The following ADGRV1 variants were observed in gnomAD, a reference collection of about 807,000 sequenced individuals.
The protein encoded by ADGRV1 is adhesion G protein-coupled receptor V1, also known as G-protein coupled receptor 98.
ADGRV1 carries 359 observed loss-of-function variants against 596.2 expected under a neutral mutation model. The ratio of observed to expected loss-of-function variants is 0.60; its 90% CI spans 0.55 to 0.66. The LOEUF (loss-of-function observed/expected upper bound fraction) is 0.66. Among genes scored for constraint, ADGRV1 ranks in the 30% least tolerant of loss-of-function variants. ADGRV1 has a pLI of 0.00. For missense variants in ADGRV1, 7,274 were observed against 7,575.6 expected (o/e 0.96, Z 1.48); for synonymous variants, 2,681 against 2,679.2 (o/e 1.00, Z -0.02).
chr5:91,142,656 C>G (rs6873773), intron 87 of ADGRV1, among the ~76,000 whole-genome samples: 1 of 152,046 alleles, frequency 6.6e-6, no homozygotes, highest in Non-Finnish European at 1.5e-5. Flanking sequence ...CTATCTCATA[C>G]GGAACTGATA....
At chr5:90,904,821 C>G (rs758362885) in intron 83 of ADGRV1, among the ~76,000 whole-genome samples, 6 of 152,002 alleles carry the variant, frequency 3.9e-5, no homozygotes, top group Non-Finnish European at 8.8e-5. Context: ...AGACCAATGT[C>G]CTGGAGAGTT....
chr5:91,039,274 T>C (rs1785148798), intron 85 of ADGRV1, among the ~76,000 whole-genome samples: 1 of 152,238 alleles, frequency 6.6e-6, no homozygotes, highest in Admixed American at 6.5e-5. Context: ...CACGCTGTTG[T>C]CCTGCTCCAT....
intron 1 of ADGRV1, among the ~76,000 whole-genome samples, chr5:90,595,004 C>A (rs1474420435): frequency 6.8e-6 from 1 of 147,170 alleles, no homozygotes; most frequent in Non-Finnish European, 1.5e-5. Context: ...GTTGGGCACA[C>A]CTCCCAGACG....
Position 90,558,842 on chromosome 5 carries a change from A to T in ADGRV1, c.-54A>T. 6.5e-7 allele frequency: 1 copy of T among 1,547,832 alleles called. No individual in the cohort carries two copies. The highest frequency in any genetic ancestry group is 8.8e-7 in the Non-Finnish European group (1 of 1,141,190). ...CGGGCAAGGAGTACGGACGGGAGTCAGAGGCAGAGCGAGGGTGTGTGGAGG... is the reference window on the plus strand; with the variant it reads ...CGGGCAAGGAGTACGGACGGGAGTCTGAGGCAGAGCGAGGGTGTGTGGAGG... On this transcript the variant is annotated 5_prime_UTR_variant, in exon 1 of 90. Transcript: ENST00000405460.
chr5:90,926,628 T>A (rs1428814636), intron 83 of ADGRV1, among the ~76,000 whole-genome samples: 1 of 152,036 alleles, frequency 6.6e-6, no homozygotes, highest in East Asian at 1.9e-4. Context: ...TGTGTCTCTG[T>A]TTCCTTCAGT....
At chr5:90,599,036 T>G (rs1761069213) in intron 1 of ADGRV1, among the ~76,000 whole-genome samples, 2 of 152,044 alleles carry the variant, frequency 1.3e-5, no homozygotes. Flanking sequence ...AGAGAAACAT[T>G]TAATTTTGGA....
At chr5:91,009,544 C>T (rs950137511) in intron 85 of ADGRV1, among the ~76,000 whole-genome samples, 2 of 152,062 alleles carry the variant, frequency 1.3e-5, no homozygotes, top group Non-Finnish European at 2.9e-5. Flanking sequence ...TACCTGTAAT[C>T]TTTGCTCTAT....
At chr5:90,850,903 A>G (rs1212743505) in intron 79 of ADGRV1, 1 of 152,168 alleles carries the variant, frequency 6.6e-6, no homozygotes, top group Admixed American at 6.6e-5. Flanking sequence ...CAATGGTTAC[A>G]ATAAAATGAG....
At chr5:91,061,643 A>C (rs911791985) in intron 85 of ADGRV1, among the ~76,000 whole-genome samples, 1 of 152,144 alleles carries the variant, frequency 6.6e-6, no homozygotes, top group Non-Finnish European at 1.5e-5. Context: ...TAATGTGTCC[A>C]TTTTTCTTTC....
chr5:91,113,876 G>A (rs888873119), intron 87 of ADGRV1, among the ~76,000 whole-genome samples: 4 of 147,162 alleles, frequency 2.7e-5, no homozygotes, highest in African/African-American at 1.0e-4. Flanking sequence ...CCGAGATCAC[G>A]TCACTTTACT....
chr5:90,558,909 TG>T lies in ADGRV1; in HGVS notation c.18del (p.Pro7GlnfsTer9). ...GGGAGCGCGCGGATGTCGGTGTTCCTGGGGCCAGGTAGGCTATGGCTGAGGG... is the reference window on the plus strand; with the variant it reads ...GGGAGCGCGCGGATGTCGGTGTTCCTGGGCCAGGTAGGCTATGGCTGAGGG... MSVF[L>X]GPGMPSASLL... On this transcript the variant is annotated frameshift_variant, in exon 1 of 90. Coordinates refer to ENST00000405460, the MANE Select transcript of ADGRV1 (RefSeq NM_032119.4). LOFTEE classifies it high-confidence loss of function. 1 of 1,558,918 alleles carries T rather than the reference TG, an allele frequency of 6.4e-7. No individual in the cohort carries two copies. The highest frequency in any genetic ancestry group is 8.7e-7 in the Non-Finnish European group (1 of 1,150,788).
At chr5:90,858,949 A>G (rs1482375747) in intron 82 of ADGRV1, among the ~76,000 whole-genome samples, 1 of 152,042 alleles carries the variant, frequency 6.6e-6, no homozygotes, top group Non-Finnish European at 1.5e-5. Context: ...AGCCACCCAA[A>G]ATGTTTTCCC....
At chr5:91,081,761 GAGCA>G (rs1314656657) in intron 86 of ADGRV1, among the ~76,000 whole-genome samples, 3 of 152,078 alleles carry the variant, frequency 2.0e-5, no homozygotes, top group African/African-American at 7.2e-5. Context: ...ACTTCAGCCT[GAGCA>G]ACAAGAGTGA....
intron 83 of ADGRV1, among the ~76,000 whole-genome samples, chr5:90,919,596 G>A (rs1168180509): frequency 6.6e-6 from 1 of 152,174 alleles, no homozygotes; most frequent in African/African-American, 2.4e-5. Context: ...ATGTATTTGT[G>A]ATTCAGGTAA....
In ADGRV1 at chr5:90,619,521, T is replaced by C. The variant is rs190443389; in HGVS notation, c.453+340T>C. ...CCCAAATGTCACCTAAAGAAAGTGT[T>C]GTTTGTTTGTCAGACTCTTCTGAAA... On this transcript the variant is annotated intron_variant, in intron 4 of 89. Transcript: ENST00000405460. Among the ~76,000 whole-genome samples the C allele has an allele frequency of 3.0e-3, 459 of 152,268 alleles. 2 individuals are homozygous for C. The highest frequency in any genetic ancestry group is 1.0e-2 in the African/African-American group (415 of 41,564).
chr5:90,750,370 A>G (rs1755101865), intron 52 of ADGRV1, among the ~76,000 whole-genome samples, 181 bp from the exon 53 acceptor site: 1 of 152,116 alleles, frequency 6.6e-6, no homozygotes, highest in African/African-American at 2.4e-5. Flanking sequence ...TACTTATTCA[A>G]ACATGTGTGT....
intron 42 of ADGRV1, among the ~76,000 whole-genome samples, chr5:90,713,264 G>T (rs1262064385): frequency 6.6e-6 from 1 of 151,692 alleles, no homozygotes; most frequent in Non-Finnish European, 1.5e-5. Flanking sequence ...AAAGAATTCT[G>T]AGTAACCCAA....
chr5:90,973,334 C>T lies in ADGRV1; in HGVS notation c.17973+7803C>T, dbSNP rs185871894. 9.8e-5 allele frequency among the ~76,000 whole-genome samples: 15 copies of T among 152,312 alleles called. No homozygotes were observed. In the East Asian group the frequency reaches 2.9e-3, roughly 29 times the overall value. On this transcript the variant is annotated intron_variant, in intron 84 of 89. Transcript: ENST00000405460. ...TCCAATCAACAGAAAAAGAGGGAATCCTCCCTAACTCATTTTATGAGGCCA... is the reference window on the plus strand; with the variant it reads ...TCCAATCAACAGAAAAAGAGGGAATTCTCCCTAACTCATTTTATGAGGCCA...
At chr5:90,856,036 G>A (rs1296080367) in intron 82 of ADGRV1, 135 bp downstream of exon 82, 12 of 700,044 alleles carry the variant, frequency 1.7e-5, no homozygotes, top group East Asian at 2.7e-5. Context: ...CAAATTTTTC[G>A]TTGTCTTAGT....
Sources: allele counts gnomAD v4.1 joint callset (sites outside exome capture counted in the v4.1 genomes callset), GRCh38; gene constraint gnomAD v4.1.1; transcripts MANE v1.5; gene names NCBI Gene and HGNC (gene_info 2026-07-23, HGNC 2026-07-21).